Variants in MTCL2 observed in about 807,000 individuals in gnomAD.
MTCL2 encodes microtubule cross-linking factor 2.
the MTCL2 span, chr20:36,810,152 GGAA>G: frequency 1.3e-6 from 2 of 1,544,466 alleles, no homozygotes; most frequent in Non-Finnish European, 1.7e-6. Flanking sequence ...GGGAGAGAGA[GGAA>G]GAAGTGGATA....
chr20:36,789,988 A>ATTTTTTTTTTTTTTTTTTTTTTTTTT, the MTCL2 span, among the ~76,000 whole-genome samples: 1 of 110,736 alleles, frequency 9.0e-6, no homozygotes. Flanking sequence ...TAATTTTTGT[A>ATTTTTTTTTTTTTTTTTTTTTTTTTT]TTTTTTTTTT....
At chr20:36,794,263 C>G in the MTCL2 span, 1 of 1,551,612 alleles carries the variant, frequency 6.4e-7, no homozygotes, top group Non-Finnish European at 8.7e-7. This position sits in a 1 kb window ranked among gnomAD's most constrained non-coding sequence, Gnocchi z 5.4. Flanking sequence ...CGATAATGAT[C>G]TTGCCCTCTT....
At chr20:36,859,339 T>G in the MTCL2 span, among the ~76,000 whole-genome samples, 1 of 152,194 alleles carries the variant, frequency 6.6e-6, no homozygotes, top group African/African-American at 2.4e-5. Flanking sequence ...TCAGGTGACG[T>G]GTCTGCTCGG....
chr20:36,785,007 G>A, the MTCL2 span: 2 of 985,362 alleles, frequency 2.0e-6, no homozygotes, highest in African/African-American at 3.5e-5. Context: ...TCAGAGGGAG[G>A]GAGGGAAATG....
At chr20:36,793,874 G>A in the MTCL2 span, 8 of 1,549,608 alleles carry the variant, frequency 5.2e-6, no homozygotes, top group Admixed American at 1.2e-4. This position sits in a 1 kb window ranked among gnomAD's most constrained non-coding sequence, Gnocchi z 6.8. Flanking sequence ...GGGTGACCAG[G>A]CCTTGCCATG....
chr20:36,804,943 G>A, the MTCL2 span: 1 of 1,592,086 alleles, frequency 6.3e-7, no homozygotes, highest in East Asian at 2.3e-5. Flanking sequence ...AGCCTCTGTG[G>A]GGTAGGGAGG....
the MTCL2 span, among the ~76,000 whole-genome samples, chr20:36,860,609 G>A: frequency 2.0e-5 from 3 of 152,166 alleles, no homozygotes; most frequent in African/African-American, 4.8e-5. Context: ...AACATGTCCC[G>A]TGCCTCTGAC....
the MTCL2 span, chr20:36,802,919 C>T: frequency 6.4e-7 from 1 of 1,571,886 alleles, no homozygotes. Flanking sequence ...CACCCTGCAG[C>T]CGCTCCACCA....
At chr20:36,815,381 G>T in the MTCL2 span, 1 of 1,613,324 alleles carries the variant, frequency 6.2e-7, no homozygotes, top group South Asian at 1.1e-5. The surrounding 1 kb of genome is among the most constrained non-coding windows in gnomAD (Gnocchi z 5.3). Context: ...CAGCACACTC[G>T]TTGTCCAGAC....
chr20:36,793,685 C>T, the MTCL2 span: 2 of 1,549,254 alleles, frequency 1.3e-6, no homozygotes, highest in African/African-American at 2.7e-5. The surrounding 1 kb of genome is among the most constrained non-coding windows in gnomAD (Gnocchi z 6.8). Context: ...GTTCTGCTTG[C>T]CCTGGTGCAG....
chr20:36,797,209 T>A, the MTCL2 span, among the ~76,000 whole-genome samples: 2 of 152,124 alleles, frequency 1.3e-5, no homozygotes, highest in Non-Finnish European at 2.9e-5. Flanking sequence ...TTAATCCAAA[T>A]GTGGTGACTG....
the MTCL2 span, among the ~76,000 whole-genome samples, chr20:36,821,830 G>A: frequency 0.034 from 5,106 of 152,254 alleles, 333 homozygotes; most frequent in African/African-American, 0.12. Context: ...ATTCCCTATG[G>A]CTTATTCGAA....
At chr20:36,797,589 G>A in the MTCL2 span, 1 of 1,554,570 alleles carries the variant, frequency 6.4e-7, no homozygotes, top group Non-Finnish European at 8.7e-7. Flanking sequence ...CAAGGGCAGA[G>A]AGGGTGGGTC....
chr20:36,845,497 C>G, the MTCL2 span, among the ~76,000 whole-genome samples: 1 of 152,284 alleles, frequency 6.6e-6, no homozygotes, highest in Admixed American at 6.5e-5. Flanking sequence ...GTCCCAGCTG[C>G]AGGCAGAATG....
At chr20:36,782,125 C>G in the MTCL2 span, 1 of 152,174 alleles carries the variant, frequency 6.6e-6, no homozygotes, top group East Asian at 1.9e-4. Context: ...GACCACTGCA[C>G]CCACCCCTCA....
chr20:36,855,789 G>A, the MTCL2 span, among the ~76,000 whole-genome samples: 3 of 152,198 alleles, frequency 2.0e-5, no homozygotes, highest in African/African-American at 7.2e-5. Flanking sequence ...TTTTACAGGA[G>A]GAAGACGGAG....
chr20:36,845,442 G>A, the MTCL2 span, among the ~76,000 whole-genome samples: 3 of 152,224 alleles, frequency 2.0e-5, no homozygotes, highest in Non-Finnish European at 4.4e-5. Context: ...TTGCATTCAC[G>A]CCAGTTCCAT....
chr20:36,793,767 A>G, the MTCL2 span: 1 of 1,541,310 alleles, frequency 6.5e-7, no homozygotes, highest in Non-Finnish European at 8.7e-7. The surrounding 1 kb of genome is among the most constrained non-coding windows in gnomAD (Gnocchi z 6.8). Flanking sequence ...GGTGAGCCAT[A>G]CTTGGGGGAG....
At chr20:36,798,592 T>TGAC in the MTCL2 span, among the ~76,000 whole-genome samples, 1 of 152,160 alleles carries the variant, frequency 6.6e-6, no homozygotes, top group Non-Finnish European at 1.5e-5. Context: ...TCACTGCCAA[T>TGAC]GACAGACAAA....
Sources: allele counts gnomAD v4.1 joint callset (sites outside exome capture counted in the v4.1 genomes callset), GRCh38; gene constraint gnomAD v4.1.1; non-coding constraint Gnocchi (gnomAD v3.1); transcripts MANE v1.5; gene names NCBI Gene and HGNC (gene_info 2026-07-23, HGNC 2026-07-21).